The following OSBPL10 variants were observed in gnomAD, a reference collection of about 807,000 sequenced individuals.
OSBPL10 encodes the protein oxysterol-binding protein-related protein 10.
In OSBPL10, 49 loss-of-function variants were observed where a neutral mutation model predicts 81.7. That is an observed-to-expected ratio of 0.60 (90% CI 0.48 to 0.76). The LOEUF (loss-of-function observed/expected upper bound fraction) is 0.76. Ranked by LOEUF, OSBPL10 falls within the 30% of genes least tolerant of loss-of-function variation. The probability of loss-of-function intolerance (pLI) is 0.00; values close to 1 mark genes in which losing one functional copy is unlikely to be tolerated. For synonymous variants in OSBPL10, 419 were observed against 383.6 expected (o/e 1.09, Z -1.08); for missense variants, 923 against 987.8 (o/e 0.93, Z 0.88).
At chr3:31,967,094 A>T (rs911969282) in intron 1 of OSBPL10, among the ~76,000 whole-genome samples, 6 of 152,020 alleles carry the variant, frequency 3.9e-5, no homozygotes, top group African/African-American at 1.4e-4. Flanking sequence ...CATAAATAAC[A>T]TGTTCCATGA....
At chr3:31,713,455 G>A (rs578158760) in intron 6 of OSBPL10, among the ~76,000 whole-genome samples, 61 of 152,032 alleles carry the variant, frequency 4.0e-4, no homozygotes, top group Middle Eastern at 3.4e-3. Context: ...GGAGTGCAGC[G>A]GTGTGATCTT....
intron 3 of OSBPL10, among the ~76,000 whole-genome samples, chr3:31,839,984 GATC>G (rs1244578886): frequency 6.7e-6 from 1 of 149,708 alleles, no homozygotes; most frequent in Non-Finnish European, 1.5e-5. Flanking sequence ...ACATGGAATG[GATC>G]ATTTCAACTG....
intron 3 of OSBPL10, among the ~76,000 whole-genome samples, chr3:31,851,795 A>T (rs1215898683): frequency 1.3e-5 from 2 of 152,180 alleles, no homozygotes; most frequent in African/African-American, 4.8e-5. Flanking sequence ...CCATCCCGTG[A>T]CTGAGTCCGG....
chr3:31,950,376 A>C (rs1697832461), intron 1 of OSBPL10, among the ~76,000 whole-genome samples: 1 of 152,214 alleles, frequency 6.6e-6, no homozygotes, highest in African/African-American at 2.4e-5. Context: ...TCTTTCTGAT[A>C]ATCAGAGATA....
chr3:31,704,673 T>C (rs979945597), intron 6 of OSBPL10: 3 of 152,200 alleles, frequency 2.0e-5, no homozygotes, highest in Admixed American at 6.5e-5. Context: ...ATAAGCTTCA[T>C]GAAGCAAAGA....
rs548655961 is a variant in OSBPL10 at position 31,841,992 on chromosome 3, G to A, written c.538-11761C>T. Among the ~76,000 whole-genome samples, 81 of 152,282 alleles carry A rather than the reference G, an allele frequency of 5.3e-4. No individual in the cohort carries two copies. In the East Asian group the frequency reaches 7.7e-3, roughly 14 times the overall value. ...AAACTATCTCTAAAAACCTAGAAGC[G>A]TTCTGTAATCAGGCTGCCCTCTTCT... On this transcript the variant is annotated intron_variant, in intron 3 of 11. Transcript: ENST00000396556.
At chr3:31,926,513 G>A (rs1261807575) in intron 1 of OSBPL10, among the ~76,000 whole-genome samples, 5 of 152,080 alleles carry the variant, frequency 3.3e-5, no homozygotes, top group African/African-American at 4.8e-5. Context: ...TTCCTCATGA[G>A]ATTACTATAA....
intron 3 of OSBPL10, among the ~76,000 whole-genome samples, chr3:31,835,027 T>G (rs920282084): frequency 1.3e-5 from 2 of 152,168 alleles, no homozygotes; most frequent in Non-Finnish European, 2.9e-5. Flanking sequence ...ATTAATAAAT[T>G]AATAAAATGA....
At chr3:31,726,733 CAGG>C (rs149437969) in intron 6 of OSBPL10, among the ~76,000 whole-genome samples, 7,975 of 152,050 alleles carry the variant, frequency 0.052, 669 homozygotes, top group African/African-American at 0.18. Context: ...TAAGGATAAA[CAGG>C]AGGAGGAATG....
chr3:31,826,022 C>G (rs977536726), intron 4 of OSBPL10, among the ~76,000 whole-genome samples: 3 of 152,142 alleles, frequency 2.0e-5, no homozygotes, highest in Admixed American at 6.5e-5. Context: ...ATTGTTTAGT[C>G]ATTCCCTTAA....
Position 31,812,818 on chromosome 3 carries a change from G to GAGAAAGAA in OSBPL10, c.729+17214_729+17221dup, listed in dbSNP as rs745663706. On this transcript the variant is annotated intron_variant, in intron 4 of 11. Coordinates refer to ENST00000396556, the MANE Select transcript of OSBPL10 (RefSeq NM_017784.5). ...AGAAAGAAAGAAAGAAAGAAAGAAA[G>GAGAAAGAA]AGAAAGAAAGAAAGAAAGAAAGAAA... 6.7e-3 allele frequency among the ~76,000 whole-genome samples: 172 copies of GAGAAAGAA among 25,850 alleles called. 14 individuals are homozygous for GAGAAAGAA. The highest frequency in any genetic ancestry group is 0.016 in the South Asian group (8 of 498). The allele number at this position is 25,850 out of a possible 152,430, so 17.0% of individuals were successfully genotyped here.
At chr3:31,757,088 A>G (rs563457182) in intron 4 of OSBPL10, among the ~76,000 whole-genome samples, 1 of 152,322 alleles carries the variant, frequency 6.6e-6, no homozygotes, top group South Asian at 2.1e-4. Flanking sequence ...TTAACCAAAT[A>G]AACATGAGGG....
At chr3:32,066,007 GAGAA>G (rs1553652531) in intron 1 of OSBPL10, among the ~76,000 whole-genome samples, 679 of 46,104 alleles carry the variant, frequency 0.015, 164 homozygotes, top group Middle Eastern at 0.032. Context: ...AAGAAAGAAA[GAGAA>G]AGAAAGAAAG....
intron 4 of OSBPL10, among the ~76,000 whole-genome samples, chr3:31,828,489 T>A (rs964312365): frequency 5.9e-5 from 9 of 152,190 alleles, no homozygotes; most frequent in African/African-American, 2.2e-4. Flanking sequence ...GCACAATCAT[T>A]CATCATATCA....
intron 8 of OSBPL10, among the ~76,000 whole-genome samples, chr3:31,680,450 C>T (rs1012431013): frequency 2.6e-5 from 4 of 152,184 alleles, no homozygotes; most frequent in African/African-American, 9.6e-5. Context: ...AGCACCTGCC[C>T]TGCATCCCCC....
At chr3:31,708,664 A>T (rs1696151346) in intron 6 of OSBPL10, 1 of 922,700 alleles carries the variant, frequency 1.1e-6, no homozygotes, top group Non-Finnish European at 1.3e-6. Flanking sequence ...GGACACAGAG[A>T]TAGAAAGTTT....
rs562664557 is a variant in OSBPL10 at position 31,848,383 on chromosome 3, G to A, written c.538-18152C>T. On this transcript the variant is annotated intron_variant, in intron 3 of 11. Transcript: ENST00000396556. ...AATACAGACATACGGCAAGTTCAAG[G>A]TCACGGTGGAAAATGTTTTGTGAGT... Among the ~76,000 whole-genome samples the A allele has an allele frequency of 5.0e-4, 76 of 151,742 alleles. 1 individual carries two copies. The highest frequency in any genetic ancestry group is 1.7e-3 in the African/African-American group (72 of 41,368).
chr3:31,989,002 A>G, intron 2 of OSBPL10: 1 of 1,556,454 alleles, frequency 6.4e-7, no homozygotes, highest in East Asian at 2.2e-5. Context: ...TTTCTCGGAA[A>G]CAGATAACTA....
At chr3:31,977,604 C>T (rs915853180) in intron 1 of OSBPL10, among the ~76,000 whole-genome samples, 1 of 152,170 alleles carries the variant, frequency 6.6e-6, no homozygotes, top group African/African-American at 2.4e-5. Flanking sequence ...CTCTAAGTGA[C>T]AATGTGAATA....
Sources: gnomAD v4.1 joint callset for allele counts (sites outside exome capture counted in the v4.1 genomes callset) on GRCh38, gnomAD v4.1.1 for gene constraint, MANE v1.5 for transcripts, NCBI Gene and HGNC (gene_info 2026-07-23, HGNC 2026-07-21) for gene names.